The following RORC variants were observed in gnomAD, a reference collection of about 807,000 sequenced individuals.
RORC encodes the protein nuclear receptor ROR-gamma.
A neutral mutation model predicts 64.5 loss-of-function variants in RORC; 13 were observed. The ratio of observed to expected loss-of-function variants is 0.20; its 90% CI spans 0.13 to 0.32. The LOEUF is 0.32. Among genes scored for constraint, RORC ranks in the 10% least tolerant of loss-of-function variants. RORC has a pLI of 1.00. For missense variants in RORC, 468 were observed against 669.5 expected (o/e 0.70, Z 3.32); for synonymous variants, 277 against 259.3 (o/e 1.07, Z -0.65).
chr1:151,812,769 G>C lies in RORC; in HGVS notation c.1285+178C>G, dbSNP rs937273809. 11 of 532,522 alleles carry C rather than the reference G, an allele frequency of 2.1e-5. No homozygotes were observed. The East Asian group carries it at 2.3e-4, about 11-fold the overall frequency. The allele number at this position is 532,522 out of a possible 1,614,324, so 33.0% of individuals were successfully genotyped here. A position where few individuals can be genotyped will look rare whatever the true frequency, so the allele number is the denominator to read the frequency against. ...TTATGCTGCTCTTGTCCCTCTCTGA[G>C]AGTCCTCTGAATCTTTATTTTAACT... On this transcript the variant is annotated intron_variant, in intron 9 of 10. Coordinates refer to ENST00000318247, the MANE Select transcript of RORC (RefSeq NM_005060.4).
intron 2 of RORC, among the ~76,000 whole-genome samples, chr1:151,818,153 C>T (rs937890827): frequency 6.6e-6 from 1 of 152,146 alleles, no homozygotes; most frequent in Non-Finnish European, 1.5e-5. Context: ...GGCTAGTTTG[C>T]CTGAGAGCTG....
At chr1:151,818,150 T>C (rs925115856) in intron 2 of RORC, among the ~76,000 whole-genome samples, 4 of 152,162 alleles carry the variant, frequency 2.6e-5, no homozygotes, top group African/African-American at 9.7e-5. Context: ...ATAGGCTAGT[T>C]TGCCTGAGAG....
rs1651317997 is a variant in RORC at position 151,806,560 on chromosome 1, G to T, written c.*912C>A. ...GAGCACCATGGAAATGTTTGGGAGG[G>T]TCCCTCAGGATTGGGACTTTCCCCT... is the stretch of plus-strand genomic sequence containing the variant. On this transcript the variant is annotated 3_prime_UTR_variant, in exon 11 of 11. Transcript: ENST00000318247. 2 of 152,254 alleles carry T rather than the reference G, an allele frequency of 1.3e-5. No individual in the cohort carries two copies. The highest frequency in any genetic ancestry group is 2.4e-5 in the African/African-American group (1 of 41,422). 9.4% of individuals were successfully genotyped at this position (152,254 alleles called of 1,614,324 possible). A position where few individuals can be genotyped will look rare whatever the true frequency, so the allele number is the denominator to read the frequency against.
At chr1:151,827,138 CTT>C (rs1007670094) in intron 2 of RORC, among the ~76,000 whole-genome samples, 1 of 152,152 alleles carries the variant, frequency 6.6e-6, no homozygotes, top group African/African-American at 2.4e-5. Context: ...AATAAAAAAA[CTT>C]TATGAAGTAG....
chr1:151,809,794 T>A (rs1651448752), intron 10 of RORC, among the ~76,000 whole-genome samples: 1 of 152,248 alleles, frequency 6.6e-6, no homozygotes, highest in Admixed American at 6.5e-5. Flanking sequence ...GCCTGGCACA[T>A]AGCAAAGGCC....
intron 9 of RORC, chr1:151,812,147 A>G (rs1468809466): frequency 1.3e-5 from 2 of 152,154 alleles, no homozygotes; most frequent in Non-Finnish European, 2.9e-5. Context: ...GTGATTCTTA[A>G]TCTTGGTGGC....
intron 2 of RORC, among the ~76,000 whole-genome samples, chr1:151,825,204 T>C (rs1256353032): frequency 6.6e-6 from 1 of 152,056 alleles, no homozygotes; most frequent in African/African-American, 2.4e-5. Flanking sequence ...CCCATCTCCA[T>C]TGCCTTGCTT....
chr1:151,806,520 A>G lies in RORC; in HGVS notation c.*952T>C, dbSNP rs1651316508. On this transcript the variant is annotated 3_prime_UTR_variant, in exon 11 of 11. Transcript: ENST00000318247. ...GTGGTATTTGGATCACCCCAGACCCAAGATCAGTGGACTGGAGCACCATGG... is the reference window on the plus strand; with the variant it reads ...GTGGTATTTGGATCACCCCAGACCCGAGATCAGTGGACTGGAGCACCATGG... 6.6e-6 allele frequency: 1 copy of G among 152,556 alleles called. No homozygotes were observed. Among genetic ancestry groups the G allele is most frequent in the African/African-American group, 2.4e-5 (1 of 41,456 alleles). 9.5% of individuals were successfully genotyped at this position (152,556 alleles called of 1,614,324 possible). A position where few individuals can be genotyped will look rare whatever the true frequency, so the allele number is the denominator to read the frequency against.
At chr1:151,814,885 C>A in intron 5 of RORC, 28 bp downstream of exon 5, 1 of 1,600,642 alleles carries the variant, frequency 6.2e-7, no homozygotes, top group Admixed American at 1.7e-5. Flanking sequence ...TCATCTCTAC[C>A]ACCCTCTCCA....
At chr1:151,808,131 G>A (rs990462714) in intron 10 of RORC, among the ~76,000 whole-genome samples, 11 of 152,180 alleles carry the variant, frequency 7.2e-5, no homozygotes, top group African/African-American at 2.7e-4. Context: ...GCAGGAAAAT[G>A]GTCCAATTTG....
At chr1:151,819,054 A>G (rs1403419841) in intron 2 of RORC, among the ~76,000 whole-genome samples, 1 of 152,218 alleles carries the variant, frequency 6.6e-6, no homozygotes, top group East Asian at 1.9e-4. Flanking sequence ...CCTGCCCAGC[A>G]GCAAGCTTCC....
At chr1:151,811,979 G>C (rs1256128556) in intron 9 of RORC, 1 of 152,298 alleles carries the variant, frequency 6.6e-6, no homozygotes, top group Non-Finnish European at 1.5e-5. Context: ...GTCTCGATCT[G>C]CAAACTCAGG....
chr1:151,828,945 C>T lies in RORC; in HGVS notation c.70+484G>A, dbSNP rs564931256. ...AGTGAGCCGAGATTGTGCCATCGTA[C>T]TCCCGCCCAGGCGACAGTGTGAGAC... On this transcript the variant is annotated intron_variant, in intron 2 of 10. Coordinates refer to ENST00000318247, the MANE Select transcript of RORC (RefSeq NM_005060.4). 1.2e-3 allele frequency among the ~76,000 whole-genome samples: 177 copies of T among 150,326 alleles called. 3 individuals are homozygous for T. The highest frequency in any genetic ancestry group is 4.0e-3 in the African/African-American group (164 of 40,850).
In RORC at chr1:151,808,990, G is replaced by C. The variant is rs527929669; in HGVS notation, c.1396-1357C>G. ...TGTGGCTGCAATGGGTGTTTGAAGG[G>C]GCAGTGGAAGATCAAGTGAGAAAAG... is the stretch of plus-strand genomic sequence containing the variant. On this transcript the variant is annotated intron_variant, in intron 10 of 10. Coordinates refer to ENST00000318247, the MANE Select transcript of RORC (RefSeq NM_005060.4). Among the ~76,000 whole-genome samples, 3 of 152,304 alleles carry C rather than the reference G, an allele frequency of 2.0e-5. No homozygotes were observed. The South Asian group carries it at 6.2e-4, about 32-fold the overall frequency.
chr1:151,812,101 T>C (rs535190649), intron 9 of RORC: 1 of 152,314 alleles, frequency 6.6e-6, no homozygotes. Context: ...CTTCCTATTA[T>C]AGGCATACAG....
At chr1:151,819,045 C>T (rs1651883053) in intron 2 of RORC, among the ~76,000 whole-genome samples, 1 of 152,218 alleles carries the variant, frequency 6.6e-6, no homozygotes, top group African/African-American at 2.4e-5. Context: ...CCACACGTGC[C>T]TGCCCAGCAG....
intron 2 of RORC, among the ~76,000 whole-genome samples, chr1:151,828,227 A>G (rs540549806): frequency 1.3e-5 from 2 of 152,314 alleles, no homozygotes; most frequent in South Asian, 4.1e-4. Context: ...GCGAGATGGC[A>G]GTGAGCTCTC....
chr1:151,815,450 GT>G (rs1651721684), intron 4 of RORC, 25 bp from the exon 5 acceptor site: 1 of 1,516,120 alleles, frequency 6.6e-7, no homozygotes, highest in Non-Finnish European at 8.8e-7. Context: ...GGGACCAGGG[GT>G]TTATGAGGCA....
rs756552988 is a variant in RORC, at chr1:151,813,102, T to A, written c.1175-45A>T. ...AAAAGTGAGAGAGTGGCTGGAGCGA[T>A]GGTGCCCGAGGACACCGCCCTTATT... On this transcript the variant is annotated intron_variant, in intron 8 of 10. Coordinates refer to ENST00000318247, the MANE Select transcript of RORC (RefSeq NM_005060.4). 7 of 1,519,908 alleles carry A rather than the reference T, an allele frequency of 4.6e-6. No homozygotes were observed. The South Asian group carries it at 7.9e-5, about 17-fold the overall frequency. 94.2% of individuals were successfully genotyped at this position (1,519,908 alleles called of 1,614,324 possible). A position where few individuals can be genotyped will look rare whatever the true frequency, so the allele number is the denominator to read the frequency against.
Sources: allele counts gnomAD v4.1 joint callset (sites outside exome capture counted in the v4.1 genomes callset), GRCh38; gene constraint gnomAD v4.1.1; transcripts MANE v1.5; gene names NCBI Gene and HGNC (gene_info 2026-07-23, HGNC 2026-07-21).